The following MALL variants were observed in gnomAD, a reference collection of about 807,000 sequenced individuals.
MALL encodes mal, T cell differentiation protein like.
Under a neutral mutation model 10.3 loss-of-function variants are expected in MALL, and 2 were observed. That is an observed-to-expected ratio of 0.19 (90% CI 0.08 to 0.61). MALL has a LOEUF of 0.61. MALL is among the 20% of genes least tolerant of loss of function. The pLI is 0.88. For synonymous variants in MALL, 27 were observed against 51.8 expected, an observed-to-expected ratio of 0.52 and a Z score of 2.05; for missense variants, 39 against 115.2, an observed-to-expected ratio of 0.34 and a Z score of 3.03.
At chr2:110,112,351 AT>A (rs1237022805) in intron 1 of MALL, among the ~76,000 whole-genome samples, 1 of 152,212 alleles carries the variant, frequency 6.6e-6, no homozygotes, top group Non-Finnish European at 1.5e-5. Flanking sequence ...AAGGTCTAAT[AT>A]TCAGAATCTA....
chr2:110,114,889 C>A (rs1247312274), intron 1 of MALL, among the ~76,000 whole-genome samples: 2 of 152,106 alleles, frequency 1.3e-5, no homozygotes, highest in East Asian at 3.9e-4. Context: ...CTTGACTGTG[C>A]TCCTCCGTGA....
At chr2:110,109,541 C>G (rs1678758281) in intron 1 of MALL, among the ~76,000 whole-genome samples, 1 of 152,026 alleles carries the variant, frequency 6.6e-6, no homozygotes, top group Non-Finnish European at 1.5e-5. Context: ...CTGGAGGTCC[C>G]AAATTTATAA....
At chr2:110,097,960 G>A (rs978797453) in intron 1 of MALL, among the ~76,000 whole-genome samples, 1 of 151,950 alleles carries the variant, frequency 6.6e-6, no homozygotes, top group Non-Finnish European at 1.5e-5. Flanking sequence ...GATGGGTGCG[G>A]CTCTTGTCAT....
rs1574037482 is a variant in MALL at position 110,111,310 on chromosome 2, C to T, written c.105+4378G>A. On this transcript the variant is annotated intron_variant, in intron 1 of 3. Coordinates refer to ENST00000272462, the MANE Select transcript of MALL (RefSeq NM_005434.5). ...GTTTGCTGACGATATGATCGTTTAA[C>T]TTGAAAACTCTAAGGACTCTTCCAG... Among the ~76,000 whole-genome samples, 4 of 152,210 alleles carry T rather than the reference C, an allele frequency of 2.6e-5. No individual in the cohort carries two copies. The East Asian group carries it at 7.7e-4, about 29-fold the overall frequency.
chr2:110,116,511 G>A (rs1035244266), upstream of MALL: 16 of 152,360 alleles, frequency 1.1e-4, no homozygotes, highest in African/African-American at 3.9e-4. Flanking sequence ...CTCTGGGAGA[G>A]GACCACACCG....
chr2:110,105,543 A>G (rs1182294406), intron 1 of MALL, among the ~76,000 whole-genome samples: 1 of 152,206 alleles, frequency 6.6e-6, no homozygotes, highest in East Asian at 1.9e-4. Context: ...AAGACGCCAC[A>G]TGGCAGTGAG....
rs1464719466 is a variant in MALL, at chr2:110,115,731, G to C, written c.62C>G (p.Ala21Gly). Residue 21 changes from alanine (A) to glycine (G), a missense_variant, in exon 1 of 4, where the codon GCG becomes GGG. Transcript: ENST00000272462. ...GGCGAAAGGGATGGTGAGGAACAGC[G>C]CGACCCCCGAGGGCACGTCGGACGG... is the stretch of plus-strand genomic sequence containing the variant. Reference protein sequence around the residue: ...YAPSDVPSGVALFLTIPFAFF... With the variant: ...YAPSDVPSGVGLFLTIPFAFF... The C allele has an allele frequency of 7.7e-7, 1 of 1,293,074 alleles. No individual in the cohort carries two copies. Among genetic ancestry groups the C allele is most frequent in the East Asian group, 2.9e-5 (1 of 34,396 alleles). The allele number at this position is 1,293,074 out of a possible 1,614,324, so 80.1% of individuals were successfully genotyped here.
chr2:110,108,215 G>A (rs1678733819), intron 1 of MALL, among the ~76,000 whole-genome samples: 1 of 152,116 alleles, frequency 6.6e-6, no homozygotes, highest in South Asian at 2.1e-4. Context: ...AAGAATTCAA[G>A]AGATTAGTTA....
chr2:110,115,892 G>GTA, upstream of MALL: 9 of 404,306 alleles, frequency 2.2e-5, no homozygotes, highest in Admixed American at 5.3e-5. Flanking sequence ...CGCCTGGGAG[G>GTA]GAAAAAAAAA....
intron 1 of MALL, among the ~76,000 whole-genome samples, chr2:110,112,263 C>T (rs1352546561): frequency 6.6e-6 from 1 of 152,084 alleles, no homozygotes; most frequent in Non-Finnish European, 1.5e-5. Flanking sequence ...AGCTTTTGCA[C>T]AGCAAAAGGA....
At chr2:110,101,595 C>T (rs960204128) in intron 1 of MALL, among the ~76,000 whole-genome samples, 14 of 152,176 alleles carry the variant, frequency 9.2e-5, no homozygotes, top group Admixed American at 2.0e-4. Context: ...GCAGTGCGCC[C>T]GGCCTCCCTG....
intron 1 of MALL, among the ~76,000 whole-genome samples, chr2:110,108,194 T>C (rs1300490528): frequency 1.3e-5 from 2 of 152,056 alleles, no homozygotes; most frequent in Non-Finnish European, 2.9e-5. Flanking sequence ...AAATCCCTGA[T>C]TCACCTGAAA....
chr2:110,095,126 C>T (rs1678414246), intron 1 of MALL, among the ~76,000 whole-genome samples: 1 of 151,850 alleles, frequency 6.6e-6, no homozygotes, highest in Non-Finnish European at 1.5e-5. Context: ...AGTTCGTGAT[C>T]TCATTTCTGT....
upstream of MALL, chr2:110,115,856 T>G: frequency 1.6e-6 from 1 of 617,930 alleles, no homozygotes; most frequent in Non-Finnish European, 2.3e-6. Flanking sequence ...AAATATCACC[T>G]CCTGCCCGAC....
At chr2:110,106,577 A>T (rs1015454006) in intron 1 of MALL, among the ~76,000 whole-genome samples, 3 of 152,214 alleles carry the variant, frequency 2.0e-5, no homozygotes, top group African/African-American at 7.2e-5. Context: ...TAAAACATGA[A>T]CTTTACTGAT....
intron 1 of MALL, among the ~76,000 whole-genome samples, chr2:110,109,569 C>T (rs899016565): frequency 6.6e-6 from 1 of 152,020 alleles, no homozygotes; most frequent in East Asian, 1.9e-4. Flanking sequence ...ACTAATAGAC[C>T]TAAGAAATGA....
Position 110,108,572 on chromosome 2 carries a change from C to T in MALL, c.105+7116G>A, listed in dbSNP as rs148708941. On this transcript the variant is annotated intron_variant, in intron 1 of 3. Coordinates refer to ENST00000272462, the MANE Select transcript of MALL (RefSeq NM_005434.5). Reference sequence around the variant, plus strand: ...AACGACCAAGCCTAAGAATAACTGGCGTACCTGAGGAAGAAGAGAATTCTA... The same window carrying T: ...AACGACCAAGCCTAAGAATAACTGGTGTACCTGAGGAAGAAGAGAATTCTA... 1.9e-4 allele frequency among the ~76,000 whole-genome samples: 29 copies of T among 152,034 alleles called. No individual in the cohort carries two copies. The East Asian group carries it at 3.9e-3, about 20-fold the overall frequency.
At chr2:110,094,920 T>A (rs1678410967) in intron 1 of MALL, among the ~76,000 whole-genome samples, 1 of 93,762 alleles carries the variant, frequency 1.1e-5, no homozygotes, top group Non-Finnish European at 2.1e-5. Flanking sequence ...GTCCTACCTT[T>A]CACAACAGGC....
chr2:110,113,036 T>G (rs1453744940), intron 1 of MALL, among the ~76,000 whole-genome samples: 1 of 151,898 alleles, frequency 6.6e-6, no homozygotes, highest in Non-Finnish European at 1.5e-5. Context: ...CATCGTATGT[T>G]CTCACTGATA....
Sources: allele counts gnomAD v4.1 joint callset (sites outside exome capture counted in the v4.1 genomes callset), GRCh38; gene constraint gnomAD v4.1.1; transcripts MANE v1.5; gene names NCBI Gene and HGNC (gene_info 2026-07-23, HGNC 2026-07-21).